AK2: variants seen among roughly 807,000 people sequenced by gnomAD.
The protein encoded by AK2 is adenylate kinase 2.
In AK2, 15 loss-of-function variants were observed where a neutral mutation model predicts 24.6. That is an observed-to-expected ratio of 0.61 (90% CI 0.41 to 0.94). AK2 has a LOEUF of 0.94. Ranked by LOEUF, AK2 falls within the 40% of genes least tolerant of loss-of-function variation. The pLI, the probability that AK2 is intolerant of heterozygous loss-of-function variation, is 0.00. For synonymous variants in AK2, 102 were observed against 114.0 expected (o/e 0.90, Z 0.67); for missense variants, 257 against 304.1 (o/e 0.85, Z 1.15).
In AK2 at chr1:33,021,703, C is replaced by A; in HGVS notation, c.220G>T (p.Val74Leu). 1 of 1,612,120 alleles carries A rather than the reference C, an allele frequency of 6.2e-7. No individual in the cohort carries two copies. The highest frequency in any genetic ancestry group is 8.5e-7 in the Non-Finnish European group (1 of 1,178,172). ...LKATMDAGKL[V>L]SDEMVVELIE... is the part of the protein sequence containing the mutation. Reference sequence around the variant, plus strand: ...AGCTCCACTACCATTTCATCACTCACCTGGAAGTTAGGAACAAAATAGCCT... The same window carrying A: ...AGCTCCACTACCATTTCATCACTCAACTGGAAGTTAGGAACAAAATAGCCT... The change falls in exon 3 of 6, where the codon GTG becomes TTG. Residue 74 changes from valine to leucine, a missense_variant and splice_region_variant. Physicochemically the swap from Val to Leu is conservative, Grantham distance 32. Coordinates refer to ENST00000672715, the MANE Select transcript of AK2 (RefSeq NM_001625.4).
In AK2 at chr1:33,011,655, T is replaced by C. The variant is rs777353693; in HGVS notation, c.*1526A>G. Reference sequence around the variant, plus strand: ...ACTGGATCTGCCACTGACTTTCTAATGGTTTTTCCAGAGGCTGCCGTTTTT... The same window carrying C: ...ACTGGATCTGCCACTGACTTTCTAACGGTTTTTCCAGAGGCTGCCGTTTTT... On this transcript the variant is annotated 3_prime_UTR_variant, in exon 6 of 6. Transcript: ENST00000672715. The C allele has an allele frequency of 9.3e-6, 12 of 1,296,010 alleles. No homozygotes were observed. The highest frequency in any genetic ancestry group is 3.2e-4 in the Middle Eastern group (1 of 3,100). The allele number at this position is 1,296,010 out of a possible 1,614,324, so 80.3% of individuals were successfully genotyped here. A position where few individuals can be genotyped will look rare whatever the true frequency, so the allele number is the denominator to read the frequency against.
Position 33,024,436 on chromosome 1 carries a change from A to G in AK2, c.219+6T>C. ...TATCAACACTCATTGGTACCACCAA[A>G]CCTACCAGTTTCCCAGCATCCATAG... On this transcript the variant is annotated splice_donor_region_variant and intron_variant, in intron 2 of 5. Transcript: ENST00000672715. The G allele has an allele frequency of 1.2e-6, 2 of 1,613,816 alleles. No homozygotes were observed. The highest frequency in any genetic ancestry group is 2.2e-5 in the East Asian group (1 of 44,880).
rs1238704113 is a variant in AK2, at chr1:33,012,098, A to G, written c.*1083T>C. On this transcript the variant is annotated 3_prime_UTR_variant, in exon 6 of 6. Coordinates refer to ENST00000672715, the MANE Select transcript of AK2 (RefSeq NM_001625.4). ...CCCTGGTCTCTTTTTGGGGAAGTAG[A>G]TTTGACTGCTCTCAGATGATCAGCC... The G allele has an allele frequency of 1.3e-6, 2 of 1,535,356 alleles. No homozygotes were observed. The highest frequency in any genetic ancestry group is 1.7e-6 in the Non-Finnish European group (2 of 1,146,746).
In AK2 at chr1:33,008,550, G is replaced by GTAATTAAAATCA. The variant is rs1638615605; in HGVS notation, c.*4630_*4631insTGATTTTAATTA. On this transcript the variant is annotated 3_prime_UTR_variant, in exon 6 of 6. Transcript: ENST00000672715. ...CAGAGCAGCCCTTCCTGTGTGCAGA[G>GTAATTAAAATCA]CTACGCAAGTAATTAAATCACTTCA... 6.6e-6 allele frequency: 3 copies of GTAATTAAAATCA among 453,988 alleles called. No individual in the cohort carries two copies. Among genetic ancestry groups the GTAATTAAAATCA allele is most frequent in the Non-Finnish European group, 1.3e-5 (3 of 226,804 alleles). The allele number at this position is 453,988 out of a possible 1,614,324, so 28.1% of individuals were successfully genotyped here. A position where few individuals can be genotyped will look rare whatever the true frequency, so the allele number is the denominator to read the frequency against.
At chr1:33,031,708 A>G (rs1640244129) in intron 1 of AK2, 1 of 455,932 alleles carries the variant, frequency 2.2e-6, no homozygotes, top group Non-Finnish European at 4.4e-6. Flanking sequence ...TGTTGCAAGT[A>G]TCACTGCAAT....
chr1:33,021,640 C>G lies in AK2; in HGVS notation c.283G>C (p.Gly95Arg). Residue 95 changes from glycine (G) to arginine (R), a missense_variant, in exon 3 of 6, where the codon GGT (glycine) becomes CGT (arginine). Coordinates refer to ENST00000672715, the MANE Select transcript of AK2 (RefSeq NM_001625.4). The part of the protein sequence containing the change: ...KNLETPLCKN[G>R]FLLDGFPRTV... ...CGAGGGAAGCCATCCAGAAGAAAACCATTTTTGCACAAGGGGGTCTCCAAA... is the reference window on the plus strand; with the variant it reads ...CGAGGGAAGCCATCCAGAAGAAAACGATTTTTGCACAAGGGGGTCTCCAAA... 6.2e-7 allele frequency: 1 copy of G among 1,614,198 alleles called. No individual in the cohort carries two copies. The highest frequency in any genetic ancestry group is 8.5e-7 in the Non-Finnish European group (1 of 1,180,028).
Position 33,013,332 on chromosome 1 carries a change from T to C in AK2, c.569A>G (p.Tyr190Cys). ...TATGAGTGGGGTGGTTTGAGTGTGG[T>C]AGGCTTGCAGGCGGATTTTCAAGGC... Reference protein sequence around the residue: ...EKALKIRLQAYHTQTTPLIEY... With the variant: ...EKALKIRLQACHTQTTPLIEY... The change falls in exon 6 of 6, where the codon TAC becomes TGC. Residue 190 changes from tyrosine to cysteine, a missense_variant. Transcript: ENST00000672715. The C allele has an allele frequency of 6.2e-7, 1 of 1,614,120 alleles. No individual in the cohort carries two copies. The highest frequency in any genetic ancestry group is 8.5e-7 in the Non-Finnish European group (1 of 1,179,968).
Position 33,017,674 on chromosome 1 carries a change from T to C in AK2, c.426-3080A>G, listed in dbSNP as rs181551062. ...GATTGCTCTCAAGTACCAACCAAAA[T>C]AGCTCCATGAGCCACTGAGCGTGGC... On this transcript the variant is annotated intron_variant, in intron 4 of 5. Coordinates refer to ENST00000672715, the MANE Select transcript of AK2 (RefSeq NM_001625.4). Among the ~76,000 whole-genome samples the C allele has an allele frequency of 4.4e-3, 669 of 152,276 alleles. 5 individuals are homozygous for C. Among genetic ancestry groups the C allele is most frequent in the African/African-American group, 0.015 (633 of 41,546 alleles).
At chr1:33,030,198 A>G (rs1461488165) in intron 1 of AK2, among the ~76,000 whole-genome samples, 4 of 152,158 alleles carry the variant, frequency 2.6e-5, no homozygotes, top group Admixed American at 6.5e-5. Flanking sequence ...TCCTCACTCC[A>G]CAGGAATGCC....
chr1:33,013,093 T>C lies in AK2; in HGVS notation c.*88A>G. On this transcript the variant is annotated 3_prime_UTR_variant, in exon 6 of 6. Coordinates refer to ENST00000672715, the MANE Select transcript of AK2 (RefSeq NM_001625.4). The stretch of plus-strand genomic sequence containing the variant: ...TCAATACATCAAATGATATTTTTGC[T>C]AGCCTGAGGAAGCTTCTCTTTGCCT... 1 of 1,611,738 alleles carries C rather than the reference T, an allele frequency of 6.2e-7. No individual in the cohort carries two copies.
intron 4 of AK2, among the ~76,000 whole-genome samples, chr1:33,015,928 C>T (rs529660179): frequency 6.6e-6 from 1 of 152,204 alleles, no homozygotes; most frequent in South Asian, 2.1e-4. Flanking sequence ...TCTATTTAGA[C>T]TATTGAAGTA....
chr1:33,033,090 G>T (rs1640343883), intron 1 of AK2, among the ~76,000 whole-genome samples: 1 of 151,226 alleles, frequency 6.6e-6, no homozygotes, highest in Non-Finnish European at 1.5e-5. Flanking sequence ...AATCCGGGAA[G>T]CAGAGCTTGC....
Position 33,012,545 on chromosome 1 carries a change from A to C in AK2, c.*636T>G. On this transcript the variant is annotated 3_prime_UTR_variant, in exon 6 of 6. Coordinates refer to ENST00000672715, the MANE Select transcript of AK2 (RefSeq NM_001625.4). ...AGGTTCTGGAATTGCGGTCCCTGGAAGATTACCTGGGTTAGTTCATTTTGG... is the reference window on the plus strand; with the variant it reads ...AGGTTCTGGAATTGCGGTCCCTGGACGATTACCTGGGTTAGTTCATTTTGG... The C allele has an allele frequency of 7.6e-7, 1 of 1,316,772 alleles. No homozygotes were observed. The highest frequency in any genetic ancestry group is 1.5e-5 in the African/African-American group (1 of 67,156). 81.6% of individuals were successfully genotyped at this position (1,316,772 alleles called of 1,614,324 possible). A position where few individuals can be genotyped will look rare whatever the true frequency, so the allele number is the denominator to read the frequency against.
chr1:33,024,066 G>A, intron 2 of AK2: 4 of 275,642 alleles, frequency 1.5e-5, no homozygotes, highest in South Asian at 1.1e-4. Flanking sequence ...AGCTACTCGG[G>A]AGGCTGAGGT....
intron 1 of AK2, among the ~76,000 whole-genome samples, chr1:33,029,063 T>C (rs775035693): frequency 2.4e-4 from 37 of 152,358 alleles, no homozygotes; most frequent in Non-Finnish European, 4.6e-4. Context: ...ACAGTGTCTA[T>C]CTGCTGAACT....
intron 1 of AK2, among the ~76,000 whole-genome samples, chr1:33,034,264 A>C (rs756861743): frequency 1.3e-5 from 2 of 152,034 alleles, no homozygotes; most frequent in African/African-American, 2.4e-5. Context: ...TCTCATCTTC[A>C]TGCACCCTTA....
chr1:33,016,119 T>A (rs1038034236), intron 4 of AK2, among the ~76,000 whole-genome samples: 1 of 152,150 alleles, frequency 6.6e-6, no homozygotes, highest in African/African-American at 2.4e-5. Context: ...AGGAGCCCCC[T>A]CTGTGGATAC....
chr1:33,009,313 T>C lies in AK2; in HGVS notation c.*3868A>G. The C allele has an allele frequency of 2.2e-6, 1 of 454,092 alleles. No individual in the cohort carries two copies. Among genetic ancestry groups the C allele is most frequent in the Non-Finnish European group, 4.4e-6 (1 of 226,784 alleles). The allele number at this position is 454,092 out of a possible 1,614,324, so 28.1% of individuals were successfully genotyped here. A position where few individuals can be genotyped will look rare whatever the true frequency, so the allele number is the denominator to read the frequency against. On this transcript the variant is annotated 3_prime_UTR_variant, in exon 6 of 6. Coordinates refer to ENST00000672715, the MANE Select transcript of AK2 (RefSeq NM_001625.4). Reference sequence around the variant, plus strand: ...AGAAATTATTTAAGCTCACTTTTGCTGGAGAGGAAATGAATTTAAACTAGG... The same window carrying C: ...AGAAATTATTTAAGCTCACTTTTGCCGGAGAGGAAATGAATTTAAACTAGG...
At chr1:33,030,392 A>ATTT (rs113764416) in intron 1 of AK2, among the ~76,000 whole-genome samples, 2 of 147,620 alleles carry the variant, frequency 1.4e-5, no homozygotes, top group African/African-American at 4.9e-5. Context: ...CCATTTCTAC[A>ATTT]TTTTTTTTTT....
Sources: gnomAD v4.1 joint callset for allele counts (sites outside exome capture counted in the v4.1 genomes callset) on GRCh38, gnomAD v4.1.1 for gene constraint, MANE v1.5 for transcripts, NCBI Gene and HGNC (gene_info 2026-07-23, HGNC 2026-07-21) for gene names.